MED27: variants seen among roughly 807,000 people sequenced by gnomAD.
MED27 encodes mediator complex subunit 27.
A neutral mutation model predicts 38.2 loss-of-function variants in MED27; 30 were observed. The observed-to-expected ratio is 0.79, with a 90% CI of 0.59 to 1.07. The LOEUF (loss-of-function observed/expected upper bound fraction) is 1.07. Among genes scored for constraint, MED27 ranks in the 50% least tolerant of loss-of-function variants. The pLI is 0.00. For missense variants in MED27, 289 were observed against 397.5 expected, an observed-to-expected ratio of 0.73 and a Z score of 2.32; for synonymous variants, 122 against 153.5, an observed-to-expected ratio of 0.79 and a Z score of 1.52.
Position 131,862,711 on chromosome 9 carries a change from C to T in MED27, c.801+352G>A, listed in dbSNP as rs543835433. Among the ~76,000 whole-genome samples the T allele has an allele frequency of 3.3e-5, 5 of 152,200 alleles. No individual in the cohort carries two copies. The highest frequency in any genetic ancestry group is 1.9e-4 in the East Asian group (1 of 5,196). On this transcript the variant is annotated intron_variant, in intron 7 of 7. Transcript: ENST00000292035. This position sits in a 1 kb window ranked among gnomAD's most constrained non-coding sequence, Gnocchi z 4.6. ...GGAGGAAACGTCTTGGGAAACTGCA[C>T]GATCTGTTAATTCACTGCTACATGC... is the stretch of plus-strand genomic sequence containing the variant.
chr9:131,992,661 C>CA (rs1344658982), intron 3 of MED27, among the ~76,000 whole-genome samples: 1 of 152,180 alleles, frequency 6.6e-6, no homozygotes, highest in Admixed American at 6.5e-5. Flanking sequence ...CTTGGCCTCT[C>CA]AAAGAGCTGG....
chr9:131,987,134 C>T (rs1369821639), intron 3 of MED27, among the ~76,000 whole-genome samples: 1 of 148,578 alleles, frequency 6.7e-6, no homozygotes, highest in Non-Finnish European at 1.5e-5. Flanking sequence ...TATTAAATGA[C>T]AGCTGTGGAA....
chr9:131,863,994 T>C (rs934670167), intron 6 of MED27, among the ~76,000 whole-genome samples: 12 of 152,190 alleles, frequency 7.9e-5, no homozygotes, highest in Non-Finnish European at 1.3e-4. Flanking sequence ...TGCGTCTCCA[T>C]GCCCCTTCCA....
intron 6 of MED27, chr9:131,868,571 C>T (rs1011004313): frequency 1.5e-5 from 15 of 983,898 alleles, no homozygotes; most frequent in African/African-American, 1.8e-5. Context: ...CCACTGCGCC[C>T]GGCCCACTAT....
intron 4 of MED27, among the ~76,000 whole-genome samples, chr9:131,931,418 G>A (rs983169989): frequency 6.6e-6 from 1 of 151,282 alleles, no homozygotes; most frequent in African/African-American, 2.4e-5. Context: ...TTCACTAAAA[G>A]GAACAAAAGA....
Position 131,982,177 on chromosome 9 carries a change from A to G in MED27, c.479+32160T>C, listed in dbSNP as rs1201359604. On this transcript the variant is annotated intron_variant, in intron 3 of 7. Coordinates refer to ENST00000292035, the MANE Select transcript of MED27 (RefSeq NM_004269.4). The surrounding 1 kb of genome is among the most constrained non-coding windows in gnomAD (Gnocchi z 4.3). ...TGTGACTTGCTTTAAACAATAAAAC[A>G]TGGCAGAATTGACATGGTGTCAGTT... Among the ~76,000 whole-genome samples, 1 of 152,216 alleles carries G rather than the reference A, an allele frequency of 6.6e-6. No homozygotes were observed. The highest frequency in any genetic ancestry group is 2.4e-5 in the African/African-American group (1 of 41,466).
At chr9:131,865,198 T>C (rs1276268381) in intron 6 of MED27, among the ~76,000 whole-genome samples, 1 of 152,242 alleles carries the variant, frequency 6.6e-6, no homozygotes, top group Non-Finnish European at 1.5e-5. Context: ...GCTTTCAAGA[T>C]AAATGGTACT....
intron 4 of MED27, among the ~76,000 whole-genome samples, chr9:131,930,575 G>T (rs1830566263): frequency 6.6e-6 from 1 of 152,184 alleles, no homozygotes; most frequent in Non-Finnish European, 1.5e-5. Flanking sequence ...AAAACCTGTG[G>T]GATTTCATCA....
chr9:131,968,062 C>T (rs915817975), intron 3 of MED27, among the ~76,000 whole-genome samples: 8 of 151,954 alleles, frequency 5.3e-5, no homozygotes, highest in African/African-American at 1.5e-4. Context: ...CCTCATGATC[C>T]GCTCGCTTTG....
chr9:132,006,502 A>C (rs879370324), intron 3 of MED27, among the ~76,000 whole-genome samples: 14 of 152,218 alleles, frequency 9.2e-5, no homozygotes, highest in Non-Finnish European at 1.9e-4. Context: ...CCAAGAGTCC[A>C]GGAACAAAAC....
At chr9:131,900,704 G>C (rs962358629) in intron 4 of MED27, among the ~76,000 whole-genome samples, 2 of 152,042 alleles carry the variant, frequency 1.3e-5, no homozygotes, top group African/African-American at 4.8e-5. Flanking sequence ...GATAGTTCAG[G>C]GGTTTGTCAG....
At chr9:132,042,236 G>A (rs4592148) in intron 2 of MED27, among the ~76,000 whole-genome samples, 85,663 of 152,042 alleles carry the variant, frequency 0.56, 26,245 homozygotes, top group Non-Finnish European at 0.67. Context: ...CATCACTACC[G>A]GCAGCTACAG....
At chr9:131,914,099 G>T (rs902819464) in intron 4 of MED27, among the ~76,000 whole-genome samples, 1 of 152,226 alleles carries the variant, frequency 6.6e-6, no homozygotes, top group African/African-American at 2.4e-5. Flanking sequence ...GTTCAAGGAT[G>T]AGGGCAGAGG....
chr9:131,867,351 ACTCATCCTT>A (rs1311533706), intron 6 of MED27, among the ~76,000 whole-genome samples: 1 of 152,138 alleles, frequency 6.6e-6, no homozygotes, highest in Admixed American at 6.5e-5. Context: ...ACCAGCGGTC[ACTCATCCTT>A]GAGTGACACA....
At chr9:131,961,887 C>G (rs989345813) in intron 3 of MED27, among the ~76,000 whole-genome samples, 2 of 152,166 alleles carry the variant, frequency 1.3e-5, no homozygotes, top group African/African-American at 4.8e-5. Context: ...TTCAGTGAAT[C>G]AATCCATGTT....
At chr9:131,998,215 G>T (rs938201650) in intron 3 of MED27, among the ~76,000 whole-genome samples, 19 of 151,320 alleles carry the variant, frequency 1.3e-4, no homozygotes, top group African/African-American at 4.6e-4. Flanking sequence ...AGCAAAACAG[G>T]GTAGTGATTC....
At chr9:132,060,859 G>T (rs552057377) in intron 2 of MED27, among the ~76,000 whole-genome samples, 24 of 152,290 alleles carry the variant, frequency 1.6e-4, no homozygotes, top group African/African-American at 5.5e-4. Context: ...TGAGGCAGGA[G>T]AATCACTTGA....
chr9:131,868,183 T>C (rs1206773241), intron 6 of MED27, among the ~76,000 whole-genome samples: 1 of 152,236 alleles, frequency 6.6e-6, no homozygotes, highest in Non-Finnish European at 1.5e-5. Flanking sequence ...TTTTATTAAC[T>C]TATAGTAGCT....
At chr9:131,933,696 A>T (rs1165029235) in intron 4 of MED27, among the ~76,000 whole-genome samples, 2 of 152,140 alleles carry the variant, frequency 1.3e-5, no homozygotes, top group Admixed American at 6.5e-5. Flanking sequence ...TATTGTTAAA[A>T]TGTCCATACT....
Sources: gnomAD v4.1 joint callset for allele counts (sites outside exome capture counted in the v4.1 genomes callset) on GRCh38, gnomAD v4.1.1 for gene constraint, Gnocchi (gnomAD v3.1) non-coding constraint, MANE v1.5 for transcripts, NCBI Gene and HGNC (gene_info 2026-07-23, HGNC 2026-07-21) for gene names.